Variants in CDC42BPA observed in about 807,000 individuals in gnomAD.
CDC42BPA encodes serine/threonine-protein kinase MRCK alpha.
Under a neutral mutation model 223.5 loss-of-function variants are expected in CDC42BPA, and 80 were observed. The ratio of observed to expected loss-of-function variants is 0.36; its 90% CI spans 0.30 to 0.43. The LOEUF (loss-of-function observed/expected upper bound fraction) is 0.43. Ranked by LOEUF, CDC42BPA falls within the 20% of genes least tolerant of loss-of-function variation. The probability of loss-of-function intolerance (pLI) is 1.00; values close to 1 mark genes in which losing one functional copy is unlikely to be tolerated. For synonymous variants in CDC42BPA, 694 were observed against 718.6 expected (o/e 0.97, Z 0.55); for missense variants, 1,743 against 2,099.9 (o/e 0.83, Z 3.32).
intron 3 of CDC42BPA, among the ~76,000 whole-genome samples, chr1:227,200,057 T>C (rs868745558): frequency 1.8e-4 from 27 of 152,308 alleles, no homozygotes; most frequent in Middle Eastern, 6.8e-3. Context: ...CCTGCTGTAA[T>C]AATCTGAAGT....
At chr1:226,995,969 G>A (rs888148352) in intron 35 of CDC42BPA, among the ~76,000 whole-genome samples, 6 of 152,170 alleles carry the variant, frequency 3.9e-5, no homozygotes, top group African/African-American at 1.4e-4. Context: ...AGTGAAAAAT[G>A]TCAAAAAATG....
intron 14 of CDC42BPA, among the ~76,000 whole-genome samples, chr1:227,107,662 C>T (rs1403725752): frequency 2.0e-5 from 3 of 152,076 alleles, no homozygotes; most frequent in African/African-American, 7.2e-5. Context: ...TTGGACTTTT[C>T]TTTGTTAGAA....
At chr1:227,127,885 CT>C (rs1466932926) in intron 11 of CDC42BPA, among the ~76,000 whole-genome samples, 3 of 152,136 alleles carry the variant, frequency 2.0e-5, no homozygotes, top group African/African-American at 7.2e-5. Context: ...TTCTCTTTCA[CT>C]TATTTTTGCC....
intron 35 of CDC42BPA, among the ~76,000 whole-genome samples, chr1:226,998,257 C>T (rs1004623622): frequency 2.6e-5 from 4 of 152,148 alleles, no homozygotes; most frequent in Admixed American, 2.0e-4. Flanking sequence ...CCCCATCAAG[C>T]TACCAATGAT....
chr1:227,234,919 T>G (rs1678717306), intron 2 of CDC42BPA: 1 of 152,092 alleles, frequency 6.6e-6, no homozygotes, highest in Non-Finnish European at 1.5e-5. Context: ...GTGATTTTTT[T>G]TTTTTTTTAG....
At chr1:227,230,225 T>C (rs1448376055) in intron 2 of CDC42BPA, among the ~76,000 whole-genome samples, 1 of 152,260 alleles carries the variant, frequency 6.6e-6, no homozygotes, top group East Asian at 1.9e-4. Flanking sequence ...GATTTCATAG[T>C]TCTTATACCT....
chr1:227,163,116 G>A (rs1664382226), intron 5 of CDC42BPA, among the ~76,000 whole-genome samples: 1 of 107,536 alleles, frequency 9.3e-6, no homozygotes, highest in Non-Finnish European at 2.1e-5. Flanking sequence ...ATATATGTGT[G>A]TATGTTTCCA....
At chr1:227,211,748 C>T (rs978767274) in intron 3 of CDC42BPA, among the ~76,000 whole-genome samples, 1 of 151,438 alleles carries the variant, frequency 6.6e-6, no homozygotes. Context: ...TGGAATAATA[C>T]ATTGCAGACT....
chr1:227,221,425 A>G (rs1269001003), intron 2 of CDC42BPA, among the ~76,000 whole-genome samples: 1 of 152,168 alleles, frequency 6.6e-6, no homozygotes, highest in Non-Finnish European at 1.5e-5. Context: ...TAAGAAGTCA[A>G]CAATCTGTAT....
At position 227,095,654 on chromosome 1, in the gene CDC42BPA, C is replaced by T. The variant is rs141402951; in HGVS notation, c.2250-3663G>A. On this transcript the variant is annotated intron_variant, in intron 15 of 36. Coordinates refer to ENST00000366766, the MANE Select transcript of CDC42BPA (RefSeq NM_001394014.1). ...TATCCCAGGCTGGAGTGCAGTGGTG[C>T]GATCTCAGCTCACTGCAATCTCCGC... is the stretch of plus-strand genomic sequence containing the variant. Among the ~76,000 whole-genome samples, 1,331 of 145,628 alleles carry T rather than the reference C, an allele frequency of 9.1e-3. 7 individuals carry two copies. The highest frequency in any genetic ancestry group is 0.016 in the South Asian group (74 of 4,628).
intron 5 of CDC42BPA, among the ~76,000 whole-genome samples, chr1:227,177,256 T>C (rs967729059): frequency 2.6e-5 from 4 of 152,180 alleles, no homozygotes; most frequent in African/African-American, 9.7e-5. Flanking sequence ...TGAAGTGCTT[T>C]TTTCAGCATT....
intron 2 of CDC42BPA, among the ~76,000 whole-genome samples, chr1:227,228,468 G>A (rs1020080324): frequency 6.6e-5 from 10 of 152,150 alleles, no homozygotes; most frequent in South Asian, 2.1e-4. Context: ...TAGCTATTAT[G>A]ATTAAGGGTG....
chr1:227,250,466 C>T (rs563928754), intron 2 of CDC42BPA, among the ~76,000 whole-genome samples: 31 of 151,294 alleles, frequency 2.0e-4, no homozygotes, highest in South Asian at 6.3e-4. Context: ...CCAGCCTGGG[C>T]GACAAGAGCA....
At chr1:227,300,591 A>C (rs1172561960) in intron 1 of CDC42BPA, among the ~76,000 whole-genome samples, 1 of 152,214 alleles carries the variant, frequency 6.6e-6, no homozygotes, top group Admixed American at 6.5e-5. Flanking sequence ...CAAATACCGT[A>C]TGTTCTCACT....
intron 1 of CDC42BPA, among the ~76,000 whole-genome samples, chr1:227,287,332 T>G (rs1688978558): frequency 6.6e-6 from 1 of 152,216 alleles, no homozygotes; most frequent in Non-Finnish European, 1.5e-5. Flanking sequence ...ACTTAGATTT[T>G]GGGAGTGTTC....
Position 227,193,774 on chromosome 1 carries a change from G to A in CDC42BPA, c.599+12C>T, listed in dbSNP as rs748121120. ...GTAACTCACAGCCAGGTACAATGAA[G>A]GACTGTTTTACCTGTGTACATAATG... On this transcript the variant is annotated intron_variant, in intron 5 of 36. Coordinates refer to ENST00000366766, the MANE Select transcript of CDC42BPA (RefSeq NM_001394014.1). 2 of 1,582,276 alleles carry A rather than the reference G, an allele frequency of 1.3e-6. No individual in the cohort carries two copies. The highest frequency in any genetic ancestry group is 2.4e-5 in the South Asian group (2 of 83,976).
At chr1:227,095,513 T>C (rs1158507916) in intron 15 of CDC42BPA, among the ~76,000 whole-genome samples, 1 of 152,206 alleles carries the variant, frequency 6.6e-6, no homozygotes. Flanking sequence ...TGATGACTTA[T>C]TTACCCTTAG....
intron 19 of CDC42BPA, 37 bp downstream of exon 19, chr1:227,073,827 G>C: frequency 7.0e-7 from 1 of 1,434,158 alleles, no homozygotes; most frequent in Non-Finnish European, 9.4e-7. Flanking sequence ...GACAAACTTA[G>C]AAATTATTCT....
rs1403841183 is a variant in CDC42BPA at position 226,991,343 on chromosome 1, T to G, written c.*2925A>C. The G allele has an allele frequency of 6.6e-6, 1 of 152,262 alleles. No homozygotes were observed. The highest frequency in any genetic ancestry group is 1.5e-5 in the Non-Finnish European group (1 of 68,032). The allele number at this position is 152,262 out of a possible 1,614,324, so 9.4% of individuals were successfully genotyped here. On this transcript the variant is annotated 3_prime_UTR_variant, in exon 37 of 37. Transcript: ENST00000366766. ...ATACTTTATCTGTGAGCTGTGCTACTGACTCCTCTGAATGGTCATTATGTT... is the reference window on the plus strand; with the variant it reads ...ATACTTTATCTGTGAGCTGTGCTACGGACTCCTCTGAATGGTCATTATGTT...
Sources: allele counts gnomAD v4.1 joint callset (sites outside exome capture counted in the v4.1 genomes callset), GRCh38; gene constraint gnomAD v4.1.1; transcripts MANE v1.5; gene names NCBI Gene and HGNC (gene_info 2026-07-23, HGNC 2026-07-21).